The following MYZAP variants were observed in gnomAD, a reference collection of about 807,000 sequenced individuals.
MYZAP encodes the protein GRINL1A complex locus upstream.
In MYZAP, 66 loss-of-function variants were observed where a neutral mutation model predicts 69.4. That is an observed-to-expected ratio of 0.95 (90% CI 0.78 to 1.17). MYZAP has a LOEUF of 1.17. MYZAP is among the 50% of genes most tolerant of loss of function. MYZAP has a pLI of 0.00. For synonymous variants in MYZAP, 256 were observed against 205.9 expected (o/e 1.24, Z -2.09); for missense variants, 611 against 556.2 (o/e 1.10, Z -0.99).
At chr15:57,676,456 A>ACC in intron 12 of MYZAP, among the ~76,000 whole-genome samples, 1 of 111,598 alleles carries the variant, frequency 9.0e-6, no homozygotes, top group Admixed American at 9.5e-5. Flanking sequence ...ATATATATAT[A>ACC]TACATATATA....
chr15:57,602,092 T>G (rs1223676255), intron 1 of MYZAP, among the ~76,000 whole-genome samples: 1 of 152,026 alleles, frequency 6.6e-6, no homozygotes, highest in Non-Finnish European at 1.5e-5. Flanking sequence ...ATTTTTGACA[T>G]TCCCTCTAGC....
rs2037770145 is a variant in MYZAP at position 57,652,345 on chromosome 15, T to TAAACTCTTCTTTCATG, written c.1120-9105_1120-9104insAAACTCTTCTTTCATG. ...CATGCTGCATTAGTGCAGGGCAGAT[T>TAAACTCTTCTTTCATG]CTGATCTTGTCATATTTCTCTATGC... is the stretch of plus-strand genomic sequence containing the variant. On this transcript the variant is annotated intron_variant, in intron 10 of 12. Coordinates refer to ENST00000267853, the MANE Select transcript of MYZAP (RefSeq NM_001018100.5). 2.6e-5 allele frequency among the ~76,000 whole-genome samples: 4 copies of TAAACTCTTCTTTCATG among 152,338 alleles called. No homozygotes were observed. In the South Asian group the frequency reaches 8.3e-4, roughly 32 times the overall value.
At chr15:57,630,730 G>A (rs1322846425) in intron 6 of MYZAP, among the ~76,000 whole-genome samples, 3 of 152,094 alleles carry the variant, frequency 2.0e-5, no homozygotes, top group Non-Finnish European at 4.4e-5. Flanking sequence ...GCTCCTGGAG[G>A]GCACTTAATA....
intron 4 of MYZAP, among the ~76,000 whole-genome samples, chr15:57,625,240 A>G (rs2036060358): frequency 6.6e-6 from 1 of 151,984 alleles, no homozygotes; most frequent in Admixed American, 6.6e-5. Flanking sequence ...TGCCTGGCTA[A>G]TTTTTGTATT....
At chr15:57,641,606 C>G (rs1045701149) in intron 10 of MYZAP, among the ~76,000 whole-genome samples, 5 of 152,130 alleles carry the variant, frequency 3.3e-5, no homozygotes, top group African/African-American at 1.2e-4. Context: ...TTAGCACCCC[C>G]TAGGGGCTGG....
chr15:57,647,753 G>T (rs1595907470), intron 10 of MYZAP: 1 of 985,374 alleles, frequency 1.0e-6, no homozygotes, highest in South Asian at 4.7e-5. Context: ...CTGGCCCTGG[G>T]TCCTAGGCTC....
At chr15:57,659,457 T>C (rs1379349110) in intron 10 of MYZAP, among the ~76,000 whole-genome samples, 1 of 152,200 alleles carries the variant, frequency 6.6e-6, no homozygotes, top group Non-Finnish European at 1.5e-5. Context: ...TTGAACAAAA[T>C]TTTGTTTACT....
At chr15:57,628,363 A>G (rs2036283439) in intron 5 of MYZAP, among the ~76,000 whole-genome samples, 1 of 152,036 alleles carries the variant, frequency 6.6e-6, no homozygotes, top group Non-Finnish European at 1.5e-5. Context: ...TTGACCTCCT[A>G]GGCTCAAGTG....
chr15:57,681,941 C>A (rs566262172), intron 12 of MYZAP, among the ~76,000 whole-genome samples: 17 of 152,270 alleles, frequency 1.1e-4, no homozygotes, highest in African/African-American at 4.1e-4. Context: ...CCTCTATCAC[C>A]TGGTGAATGA....
chr15:57,618,219 C>T (rs1320024880), intron 3 of MYZAP, 31 bp downstream of exon 3: 16 of 1,607,670 alleles, frequency 1.0e-5, no homozygotes, highest in Non-Finnish European at 1.3e-5. Context: ...TGCCCCCCAC[C>T]TGTATTCTTT....
At chr15:57,666,191 C>T (rs971982999) in intron 11 of MYZAP, among the ~76,000 whole-genome samples, 4 of 152,222 alleles carry the variant, frequency 2.6e-5, no homozygotes, top group Admixed American at 1.3e-4. Flanking sequence ...AACCTGGACT[C>T]GGTTAGTTCA....
chr15:57,604,503 C>T (rs1408396283), intron 2 of MYZAP, 148 bp downstream of exon 2: 2 of 779,132 alleles, frequency 2.6e-6, no homozygotes, highest in South Asian at 2.1e-5. Flanking sequence ...CACCTCATCT[C>T]CCGTCTTCCC....
At chr15:57,667,661 T>C (rs1366671235) in intron 11 of MYZAP, among the ~76,000 whole-genome samples, 6 of 152,006 alleles carry the variant, frequency 3.9e-5, no homozygotes, top group African/African-American at 1.5e-4. Context: ...TGTCCCACGC[T>C]CTCTAACTCT....
chr15:57,640,883 C>T (rs560671170), intron 10 of MYZAP, among the ~76,000 whole-genome samples: 1 of 152,274 alleles, frequency 6.6e-6, no homozygotes, highest in South Asian at 2.1e-4. Context: ...GGAGCACTGC[C>T]CATAACAGTA....
chr15:57,633,599 T>C lies in MYZAP; in HGVS notation c.805-14T>C. 1.2e-6 allele frequency: 2 copies of C among 1,610,500 alleles called. No homozygotes were observed. Among genetic ancestry groups the C allele is most frequent in the South Asian group, 2.2e-5 (2 of 90,056 alleles). On this transcript the variant is annotated splice_polypyrimidine_tract_variant and intron_variant, in intron 7 of 12. Coordinates refer to ENST00000267853, the MANE Select transcript of MYZAP (RefSeq NM_001018100.5). ...CTCCATGCCTGTACTTAGGAGGGTATATTTCTTTTGCAGGAAGAAACCAAT... is the reference window on the plus strand; with the variant it reads ...CTCCATGCCTGTACTTAGGAGGGTACATTTCTTTTGCAGGAAGAAACCAAT...
intron 1 of MYZAP, among the ~76,000 whole-genome samples, chr15:57,602,634 G>A (rs907600189): frequency 1.3e-5 from 2 of 152,162 alleles, no homozygotes; most frequent in East Asian, 1.9e-4. Flanking sequence ...CAGCACTCCC[G>A]CGAACTGAGC....
At chr15:57,616,628 C>G (rs2035467853) in intron 2 of MYZAP, among the ~76,000 whole-genome samples, 1 of 151,840 alleles carries the variant, frequency 6.6e-6, no homozygotes, top group Admixed American at 6.6e-5. Flanking sequence ...GAGTGAGACT[C>G]TGTCTCAAAA....
intron 3 of MYZAP, among the ~76,000 whole-genome samples, chr15:57,621,212 T>C (rs569540068): frequency 1.4e-5 from 2 of 146,678 alleles, no homozygotes; most frequent in Non-Finnish European, 3.0e-5. Context: ...TTTCTTTTTT[T>C]TTTTTTTTTG....
chr15:57,667,296 C>T (rs1251302341), intron 11 of MYZAP, among the ~76,000 whole-genome samples: 1 of 152,192 alleles, frequency 6.6e-6, no homozygotes, highest in East Asian at 1.9e-4. Context: ...CACCCCTGGG[C>T]CTGAGGGGAA....
Sources: allele counts gnomAD v4.1 joint callset (sites outside exome capture counted in the v4.1 genomes callset), GRCh38; gene constraint gnomAD v4.1.1; transcripts MANE v1.5; gene names NCBI Gene and HGNC (gene_info 2026-07-23, HGNC 2026-07-21).